Variants in DGKB observed in about 807,000 individuals in gnomAD.
The protein encoded by DGKB is diacylglycerol kinase beta, also known as 90 kDa diacylglycerol kinase.
In DGKB, 67 loss-of-function variants were observed where a neutral mutation model predicts 114.3. The observed-to-expected ratio is 0.59, with a 90% confidence interval of 0.48 to 0.72. The LOEUF (loss-of-function observed/expected upper bound fraction) is 0.72. Among genes scored for constraint, DGKB ranks in the 30% least tolerant of loss-of-function variants. The pLI is 0.00. For synonymous variants in DGKB, 398 were observed against 323.1 expected, an observed-to-expected ratio of 1.23 and a Z score of -2.49; for missense variants, 907 against 975.2, an observed-to-expected ratio of 0.93 and a Z score of 0.93.
intron 20 of DGKB, among the ~76,000 whole-genome samples, chr7:14,492,208 G>C (rs1021771966): frequency 3.3e-5 from 5 of 151,952 alleles, no homozygotes; most frequent in Non-Finnish European, 5.9e-5. Context: ...CCCCAAAACA[G>C]GGCTATAACT....
chr7:14,720,734 A>G (rs972967782), intron 5 of DGKB, among the ~76,000 whole-genome samples: 1 of 152,102 alleles, frequency 6.6e-6, no homozygotes, highest in East Asian at 1.9e-4. Context: ...ATCAACAGAG[A>G]CATATATTGT....
chr7:14,219,023 T>C (rs1022172598), intron 23 of DGKB, among the ~76,000 whole-genome samples: 7 of 152,112 alleles, frequency 4.6e-5, no homozygotes, highest in African/African-American at 1.7e-4. Context: ...AATCATAGAA[T>C]ATGTAGTATT....
chr7:14,255,984 G>C (rs1795911585), intron 23 of DGKB, among the ~76,000 whole-genome samples: 1 of 152,098 alleles, frequency 6.6e-6, no homozygotes, highest in Non-Finnish European at 1.5e-5. Context: ...ATAATTCTAT[G>C]TGCCAGAAAC....
At chr7:14,961,968 T>C (rs187329627) in intron 1 of DGKB, among the ~76,000 whole-genome samples, 11 of 152,272 alleles carry the variant, frequency 7.2e-5, no homozygotes, top group East Asian at 3.9e-4. Flanking sequence ...CCATGTTATC[T>C]ATCCAATGGG....
At chr7:14,254,275 T>C (rs1462919635) in intron 23 of DGKB, among the ~76,000 whole-genome samples, 2 of 152,200 alleles carry the variant, frequency 1.3e-5, no homozygotes, top group African/African-American at 4.8e-5. Flanking sequence ...TTTCTTCACA[T>C]CCTCAATCCA....
intron 21 of DGKB, among the ~76,000 whole-genome samples, chr7:14,455,435 T>A (rs1188088885): frequency 6.6e-6 from 1 of 152,022 alleles, no homozygotes; most frequent in African/African-American, 2.4e-5. Flanking sequence ...CTCTTTTTAT[T>A]TTATCTTGTC....
intron 1 of DGKB, among the ~76,000 whole-genome samples, chr7:14,899,354 T>G (rs576874925): frequency 6.6e-6 from 1 of 152,276 alleles, no homozygotes; most frequent in African/African-American, 2.4e-5. Flanking sequence ...GGAGATTATC[T>G]GATGACTAGC....
intron 21 of DGKB, among the ~76,000 whole-genome samples, chr7:14,470,613 C>A (rs1781138832): frequency 6.6e-6 from 1 of 151,766 alleles, no homozygotes; most frequent in Non-Finnish European, 1.5e-5. Flanking sequence ...TGTGATTCTA[C>A]AAAGATACAT....
intron 14 of DGKB, among the ~76,000 whole-genome samples, chr7:14,626,491 A>G (rs949604303): frequency 2.6e-5 from 4 of 152,218 alleles, no homozygotes; most frequent in Non-Finnish European, 5.9e-5. Context: ...TTTTTAACCC[A>G]AGGTATCATA....
intron 1 of DGKB, among the ~76,000 whole-genome samples, chr7:14,923,473 T>G (rs972746128): frequency 1.3e-5 from 2 of 152,230 alleles, no homozygotes; most frequent in Non-Finnish European, 2.9e-5. Context: ...CTCTGTTTCC[T>G]TATTTGTAGA....
intron 23 of DGKB, among the ~76,000 whole-genome samples, chr7:14,270,823 G>T (rs1423810984): frequency 2.0e-5 from 3 of 152,160 alleles, no homozygotes; most frequent in African/African-American, 7.2e-5. Flanking sequence ...GCCTTCGAAA[G>T]CTTTCTGTAG....
intron 20 of DGKB, among the ~76,000 whole-genome samples, chr7:14,523,168 C>A (rs757912721): frequency 1.3e-5 from 2 of 152,060 alleles, no homozygotes; most frequent in East Asian, 3.8e-4. Flanking sequence ...AAGTAGATTT[C>A]CTTCCTAAAT....
At chr7:14,217,099 C>G (rs1338651369) in intron 23 of DGKB, among the ~76,000 whole-genome samples, 1 of 152,088 alleles carries the variant, frequency 6.6e-6, no homozygotes, top group African/African-American at 2.4e-5. Flanking sequence ...GCCTTCACAT[C>G]AAATGACAAG....
chr7:14,364,985 T>C (rs932227746), intron 21 of DGKB, among the ~76,000 whole-genome samples: 1 of 151,998 alleles, frequency 6.6e-6, no homozygotes, highest in Non-Finnish European at 1.5e-5. Context: ...TACCACATTA[T>C]GACACTGGCT....
At position 14,372,070 on chromosome 7, in the gene DGKB, C is replaced by T. The variant is rs1261057210; in HGVS notation, c.1836-26679G>A. On this transcript the variant is annotated intron_variant, in intron 21 of 25. Coordinates refer to ENST00000402815, the MANE Select transcript of DGKB (RefSeq NM_001350709.2). ...TTTTCCAAGTGCCTTTCTCTTTCAG[C>T]GCCTCCAAGCCTCTCTCCAAGGCAG... is the stretch of plus-strand genomic sequence containing the variant. 2.6e-5 allele frequency among the ~76,000 whole-genome samples: 4 copies of T among 152,212 alleles called. No individual in the cohort carries two copies. In the South Asian group the frequency reaches 6.2e-4, roughly 24 times the overall value.
chr7:14,393,791 T>C (rs531618316), intron 21 of DGKB, among the ~76,000 whole-genome samples: 2 of 152,330 alleles, frequency 1.3e-5, no homozygotes, highest in African/African-American at 4.8e-5. Context: ...GTTCTAAATC[T>C]GAACGAGAAA....
chr7:14,943,643 C>A (rs1364053489), intron 1 of DGKB, among the ~76,000 whole-genome samples: 2 of 151,824 alleles, frequency 1.3e-5, no homozygotes, highest in Non-Finnish European at 2.9e-5. Context: ...GTGAAACACA[C>A]ACACACATAT....
chr7:14,965,316 G>C (rs1017577244), intron 1 of DGKB, among the ~76,000 whole-genome samples: 13 of 151,954 alleles, frequency 8.6e-5, no homozygotes, highest in African/African-American at 3.1e-4. Flanking sequence ...AAGAATGAGA[G>C]GAGTTATAAA....
intron 13 of DGKB, among the ~76,000 whole-genome samples, chr7:14,652,994 G>C (rs1206432640): frequency 6.6e-6 from 1 of 151,690 alleles, no homozygotes; most frequent in Non-Finnish European, 1.5e-5. Flanking sequence ...TCATTAAAAA[G>C]TCAGGAAACA....
Sources: allele counts gnomAD v4.1 joint callset (sites outside exome capture counted in the v4.1 genomes callset), GRCh38; gene constraint gnomAD v4.1.1; transcripts MANE v1.5; gene names NCBI Gene and HGNC (gene_info 2026-07-23, HGNC 2026-07-21).